The following MARCHF1 variants were observed in gnomAD, a reference collection of about 807,000 sequenced individuals.
MARCHF1 encodes E3 ubiquitin-protein ligase MARCHF1.
In MARCHF1, 40 loss-of-function variants were observed where a neutral mutation model predicts 54.2. That is an observed-to-expected ratio of 0.74 (90% confidence interval 0.57 to 0.96). The LOEUF is 0.96. Among genes scored for constraint, MARCHF1 ranks in the 40% least tolerant of loss-of-function variants. The probability of loss-of-function intolerance (pLI) is 0.00; values close to 1 mark genes in which losing one functional copy is unlikely to be tolerated. For missense variants in MARCHF1, 586 were observed against 656.5 expected (o/e 0.89, Z 1.17); for synonymous variants, 236 against 236.3 (o/e 1.00, Z 0.01).
At chr4:163,667,099 T>G (rs1743562468) in intron 5 of MARCHF1, among the ~76,000 whole-genome samples, 1 of 152,154 alleles carries the variant, frequency 6.6e-6, no homozygotes, top group Non-Finnish European at 1.5e-5. Context: ...AATCCAGCAG[T>G]GTGACTGCTT....
rs547670503 is a variant in MARCHF1 at position 163,613,701 on chromosome 4, G to A, written c.163-308C>T. 3 of 655,642 alleles carry A rather than the reference G, an allele frequency of 4.6e-6. No individual in the cohort carries two copies. In the African/African-American group the frequency reaches 5.9e-5, roughly 13 times the overall value. The allele number at this position is 655,642 out of a possible 1,614,324, so 40.6% of individuals were successfully genotyped here. On this transcript the variant is annotated intron_variant, in intron 5 of 9. Coordinates refer to ENST00000514618, the MANE Select transcript of MARCHF1 (RefSeq NM_001394959.1). ...TGAGTGGAATAGCTCAATTTGCTTTGGAAACAAATGAATAATACTTGAAGA... is the reference window on the plus strand; with the variant it reads ...TGAGTGGAATAGCTCAATTTGCTTTAGAAACAAATGAATAATACTTGAAGA...
intron 2 of MARCHF1, among the ~76,000 whole-genome samples, chr4:164,052,560 G>C (rs1197229961): frequency 6.6e-6 from 1 of 151,950 alleles, no homozygotes; most frequent in Non-Finnish European, 1.5e-5. Context: ...CCTGGGTAAA[G>C]AAAACATAGT....
At chr4:163,702,991 C>G (rs992249274) in intron 4 of MARCHF1, among the ~76,000 whole-genome samples, 1 of 152,156 alleles carries the variant, frequency 6.6e-6, no homozygotes, top group Non-Finnish European at 1.5e-5. Flanking sequence ...AATGAGAACT[C>G]TAGTGATGTG....
intron 1 of MARCHF1, among the ~76,000 whole-genome samples, chr4:164,147,367 T>A (rs200438113): frequency 0.16 from 22,357 of 144,204 alleles, 2,658 homozygotes; most frequent in African/African-American, 0.33. Context: ...TAAAGACACA[T>A]GCGCACGTAT....
chr4:164,318,799 A>C (rs952576702), intron 1 of MARCHF1, among the ~76,000 whole-genome samples: 1 of 152,240 alleles, frequency 6.6e-6, no homozygotes, highest in Non-Finnish European at 1.5e-5. Context: ...CTAGACTTAC[A>C]TTTCACTAAG....
intron 4 of MARCHF1, among the ~76,000 whole-genome samples, chr4:163,834,950 T>C (rs770873188): frequency 6.6e-6 from 1 of 152,106 alleles, no homozygotes; most frequent in East Asian, 1.9e-4. Context: ...GGTGTGATTG[T>C]AGCTCACTAT....
At chr4:164,279,519 T>C (rs1733972260) in intron 1 of MARCHF1, among the ~76,000 whole-genome samples, 1 of 151,490 alleles carries the variant, frequency 6.6e-6, no homozygotes, top group Non-Finnish European at 1.5e-5. Context: ...TCTAAAAAAC[T>C]AGAAGAAAAT....
intron 2 of MARCHF1, among the ~76,000 whole-genome samples, chr4:164,034,084 T>C (rs112456439): frequency 3.2e-5 from 4 of 123,434 alleles, no homozygotes; most frequent in South Asian, 5.2e-4. Context: ...GATAGATAGA[T>C]AGATAGATAG....
chr4:164,001,738 G>C (rs1306864955), intron 2 of MARCHF1, among the ~76,000 whole-genome samples: 2 of 151,800 alleles, frequency 1.3e-5, no homozygotes, highest in Non-Finnish European at 3.0e-5. Flanking sequence ...GAGAGTAATA[G>C]AGATGGATGG....
At chr4:164,270,004 C>A (rs982683543) in intron 1 of MARCHF1, among the ~76,000 whole-genome samples, 2 of 152,110 alleles carry the variant, frequency 1.3e-5, no homozygotes, top group African/African-American at 4.8e-5. Flanking sequence ...ACATATTATG[C>A]CACCTTTCTT....
At position 163,612,127 on chromosome 4, in the gene MARCHF1, AC is replaced by A. The variant is rs1263240950; in HGVS notation, c.1010+143del. 63 of 716,576 alleles carry A rather than the reference AC, an allele frequency of 8.8e-5. No homozygotes were observed. In the African/African-American group the frequency reaches 1.1e-3, roughly 13 times the overall value. The allele number at this position is 716,576 out of a possible 1,614,324, so 44.4% of individuals were successfully genotyped here. A position where few individuals can be genotyped will look rare whatever the true frequency, so the allele number is the denominator to read the frequency against. On this transcript the variant is annotated intron_variant, in intron 7 of 9. Transcript: ENST00000514618. The stretch of plus-strand genomic sequence containing the variant: ...CATCTGCATTATTCTTTTCATACCC[AC>A]CTTTTCTCCTTTTATATCCAATCAG...
chr4:163,866,490 TGTA>T (rs1235687622), intron 3 of MARCHF1, among the ~76,000 whole-genome samples: 1 of 72,844 alleles, frequency 1.4e-5, no homozygotes, highest in Admixed American at 1.9e-4. Flanking sequence ...ATAATAGGAC[TGTA>T]GTAGTTTATA....
intron 1 of MARCHF1, among the ~76,000 whole-genome samples, chr4:164,207,583 G>A (rs1731643786): frequency 6.6e-6 from 1 of 152,142 alleles, no homozygotes; most frequent in Non-Finnish European, 1.5e-5. Flanking sequence ...CTACTGTGCT[G>A]GGGGGACTGA....
chr4:164,025,223 T>G (rs1331837432), intron 2 of MARCHF1, among the ~76,000 whole-genome samples: 2 of 152,080 alleles, frequency 1.3e-5, no homozygotes, highest in Non-Finnish European at 2.9e-5. Context: ...GACTTAAATG[T>G]GACAATCAAT....
chr4:164,224,304 A>G (rs533950785), intron 1 of MARCHF1, among the ~76,000 whole-genome samples: 1 of 151,920 alleles, frequency 6.6e-6, no homozygotes, highest in African/African-American at 2.4e-5. Context: ...TTTATGTGTG[A>G]CCCAAGACAA....
chr4:164,007,311 A>G lies in MARCHF1; in HGVS notation c.-247-18602T>C, dbSNP rs560861452. Among the ~76,000 whole-genome samples, 3 of 135,498 alleles carry G rather than the reference A, an allele frequency of 2.2e-5. No individual in the cohort carries two copies. The Admixed American group carries it at 2.6e-4, about 12-fold the overall frequency. The allele number at this position is 135,498 out of a possible 152,430, so 88.9% of individuals were successfully genotyped here. ...CAGTGAGCTGAGATCGTGCTACTGC[A>G]CTCCAGCCTGGGCGACAGAGCGAGA... On this transcript the variant is annotated intron_variant, in intron 2 of 9. Transcript: ENST00000514618.
intron 5 of MARCHF1, among the ~76,000 whole-genome samples, chr4:163,687,419 G>A (rs1744303755): frequency 6.6e-6 from 1 of 151,800 alleles, no homozygotes; most frequent in Admixed American, 6.6e-5. Flanking sequence ...GTAGATATGG[G>A]GTTTCACCAT....
In MARCHF1 at chr4:164,274,084, G is replaced by A. The variant is rs533667811; in HGVS notation, c.-323+109786C>T. On this transcript the variant is annotated intron_variant, in intron 1 of 9. Coordinates refer to ENST00000514618, the MANE Select transcript of MARCHF1 (RefSeq NM_001394959.1). ...TTACAGTACAGAAGAAAATGTCTCC[G>A]GCAATAAATCACAAAGTTAAAATTA... Among the ~76,000 whole-genome samples the A allele has an allele frequency of 5.3e-5, 8 of 151,666 alleles. No individual in the cohort carries two copies. In the South Asian group the frequency reaches 1.0e-3, roughly 20 times the overall value.
At chr4:164,103,069 C>T (rs942238866) in intron 2 of MARCHF1, among the ~76,000 whole-genome samples, 19 of 91,242 alleles carry the variant, frequency 2.1e-4, no homozygotes, top group Admixed American at 1.3e-3. Context: ...AGCTAACTAT[C>T]CTAAATATAT....
Sources: gnomAD v4.1 joint callset for allele counts (sites outside exome capture counted in the v4.1 genomes callset) on GRCh38, gnomAD v4.1.1 for gene constraint, MANE v1.5 for transcripts, NCBI Gene and HGNC (gene_info 2026-07-23, HGNC 2026-07-21) for gene names.